ZFHX3: variants seen among roughly 807,000 people sequenced by gnomAD.
ZFHX3 encodes zinc finger homeobox protein 3.
ZFHX3 carries 42 observed loss-of-function variants against 279.1 expected under a neutral mutation model. The observed-to-expected ratio is 0.15, with a 90% CI of 0.12 to 0.19. The LOEUF (loss-of-function observed/expected upper bound fraction) is 0.19, where lower values mean the gene tolerates loss of function less well. ZFHX3 is among the 10% of genes least tolerant of loss of function. The pLI, the probability that ZFHX3 is intolerant of heterozygous loss-of-function variation, is 1.00. For synonymous variants in ZFHX3, 2,293 were observed against 1,957.8 expected, an observed-to-expected ratio of 1.17 and a Z score of -4.52; for missense variants, 4,981 against 4,754.0, an observed-to-expected ratio of 1.05 and a Z score of -1.40.
intron 2 of ZFHX3, among the ~76,000 whole-genome samples, chr16:73,591,549 A>T (rs1437989466): frequency 1.7e-4 from 25 of 149,392 alleles, no homozygotes; most frequent in Admixed American, 1.7e-3. Flanking sequence ...AAAAATTAGC[A>T]GGGCATGGTG....
chr16:73,312,607 T>C (rs2015352301), intron 4 of ZFHX3, among the ~76,000 whole-genome samples: 1 of 152,164 alleles, frequency 6.6e-6, no homozygotes, highest in Non-Finnish European at 1.5e-5. Flanking sequence ...CAACATTCAT[T>C]GAGGGCTTTC....
intron 1 of ZFHX3, among the ~76,000 whole-genome samples, chr16:73,863,259 G>C (rs1446234219): frequency 1.3e-5 from 2 of 152,130 alleles, no homozygotes; most frequent in African/African-American, 2.4e-5. Flanking sequence ...AGTCCCTAGA[G>C]GAATGGGGTA....
At chr16:73,346,432 G>A (rs888763761) in intron 3 of ZFHX3, among the ~76,000 whole-genome samples, 1 of 152,162 alleles carries the variant, frequency 6.6e-6, no homozygotes, top group African/African-American at 2.4e-5. Context: ...AAGAATCACA[G>A]ATTGGCCAAA....
chr16:73,003,149 G>C (rs1884481055), intron 1 of ZFHX3, among the ~76,000 whole-genome samples: 1 of 152,094 alleles, frequency 6.6e-6, no homozygotes, highest in African/African-American at 2.4e-5. Flanking sequence ...TCCCCTGTAA[G>C]ATTTTTCAGA....
chr16:73,490,817 A>G (rs931527981), intron 2 of ZFHX3, among the ~76,000 whole-genome samples: 2 of 152,220 alleles, frequency 1.3e-5, no homozygotes, highest in African/African-American at 4.8e-5. Context: ...AGCCTGGACA[A>G]CAGAACAAGA....
intron 5 of ZFHX3, among the ~76,000 whole-genome samples, chr16:73,199,395 G>C (rs1968221761): frequency 6.6e-6 from 1 of 152,212 alleles, no homozygotes; most frequent in South Asian, 2.1e-4. Flanking sequence ...GCCCATGAAA[G>C]TGACTCTGCT....
Position 73,757,255 on chromosome 16 carries a change from G to A in ZFHX3, c.-1607-77015C>T, listed in dbSNP as rs530523458. On this transcript the variant is annotated intron_variant, in intron 1 of 17. Transcript: ENST00000641206. ...GTCTGTCTATTTCACACTCTCATCA[G>A]GAATTCCGTGGGGTCCCTCGTGTCT... Among the ~76,000 whole-genome samples the A allele has an allele frequency of 9.2e-4, 140 of 152,276 alleles. 7 individuals are homozygous for A. The South Asian group carries it at 0.028, about 30-fold the overall frequency.
rs77856913 is a variant in ZFHX3, at chr16:72,817,983, G to A, written c.3530-5945C>T. ...TGATTATTAATTCATGCTACTTTCC[G>A]TAAGCCAGAGGTTCTCATCGCCTTA... is the stretch of plus-strand genomic sequence containing the variant. On this transcript the variant is annotated intron_variant, in intron 5 of 9. Transcript: ENST00000268489. Among the ~76,000 whole-genome samples the A allele has an allele frequency of 3.2e-4, 49 of 152,268 alleles. No homozygotes were observed. In the South Asian group the frequency reaches 7.0e-3, roughly 22 times the overall value.
At chr16:73,718,321 G>A (rs1230581973) in intron 1 of ZFHX3, among the ~76,000 whole-genome samples, 1 of 152,074 alleles carries the variant, frequency 6.6e-6, no homozygotes, top group Admixed American at 6.5e-5. Flanking sequence ...TGAGGCAGAA[G>A]AATCACTTGA....
chr16:72,816,209 A>G (rs1366064541), intron 5 of ZFHX3, among the ~76,000 whole-genome samples: 1 of 152,180 alleles, frequency 6.6e-6, no homozygotes, highest in Non-Finnish European at 1.5e-5. Context: ...TGTCCATGAA[A>G]AAGTTGGTAT....
At position 72,797,470 on chromosome 16, in the gene ZFHX3, G is replaced by T; in HGVS notation, c.5212C>A (p.Gln1738Lys). Residue 1738 changes from glutamine (Q) to lysine (K), a missense_variant, in exon 9 of 10, where the codon CAA (glutamine) becomes AAA (lysine). Gln to Lys is a moderately conservative substitution (Grantham distance 53). This residue lies in a region of ZFHX3 where 1,751 missense variants were observed against 1,770.0 expected (regional missense o/e 0.99). Coordinates refer to ENST00000268489, the MANE Select transcript of ZFHX3 (RefSeq NM_006885.4). Reference protein sequence around the residue: ...QQQQQQQQQQQQQQAQTLAQA... With the variant: ...QQQQQQQQQQKQQQAQTLAQA... ...GCCAGCGTTTGTGCTTGTTGTTGTT[G>T]TTGTTGTTGTTGTTGTTGCTGTTGC... 3 of 1,610,132 alleles carry T rather than the reference G, an allele frequency of 1.9e-6. No homozygotes were observed. The highest frequency in any genetic ancestry group is 2.5e-6 in the Non-Finnish European group (3 of 1,178,914).
At chr16:73,226,991 G>C (rs976608961) in intron 5 of ZFHX3, among the ~76,000 whole-genome samples, 1 of 152,178 alleles carries the variant, frequency 6.6e-6, no homozygotes, top group East Asian at 1.9e-4. Context: ...TATGGTATTA[G>C]ATATTATTTC....
intron 1 of ZFHX3, among the ~76,000 whole-genome samples, chr16:73,693,118 A>G (rs2053164676): frequency 6.6e-6 from 1 of 152,218 alleles, no homozygotes; most frequent in South Asian, 2.1e-4. Context: ...GCAATCAGGA[A>G]AAACAAGAAG....
At chr16:73,796,834 C>T (rs779530228) in intron 1 of ZFHX3, among the ~76,000 whole-genome samples, 73 of 152,164 alleles carry the variant, frequency 4.8e-4, no homozygotes, top group Admixed American at 1.7e-3. Context: ...CAACATTAAC[C>T]CCTTCCTTGT....
At chr16:73,025,580 G>C (rs1964468323) in intron 1 of ZFHX3, among the ~76,000 whole-genome samples, 1 of 152,124 alleles carries the variant, frequency 6.6e-6, no homozygotes, top group Non-Finnish European at 1.5e-5. Flanking sequence ...TTGGACATCA[G>C]CCCATTAGCT....
chr16:73,739,938 C>T (rs1157668061), intron 1 of ZFHX3, among the ~76,000 whole-genome samples: 1 of 152,142 alleles, frequency 6.6e-6, no homozygotes, highest in Non-Finnish European at 1.5e-5. Context: ...TTTTTAACTG[C>T]AAACCAGCCA....
At chr16:73,617,976 T>C (rs1405239524) in intron 2 of ZFHX3, among the ~76,000 whole-genome samples, 1 of 152,186 alleles carries the variant, frequency 6.6e-6, no homozygotes, top group African/African-American at 2.4e-5. Flanking sequence ...CACATTGGCC[T>C]ACACTGCAAT....
rs2054018179 is a variant in ZFHX3 at position 73,771,566 on chromosome 16, C to T, written c.-1607-91326G>A. Among the ~76,000 whole-genome samples, 4 of 152,156 alleles carry T rather than the reference C, an allele frequency of 2.6e-5. No individual in the cohort carries two copies. In the South Asian group the frequency reaches 8.3e-4, roughly 32 times the overall value. ...CTTACCTTCCTCTGAGGCTGCTGCA[C>T]ACATGCGCCACAGCCAAAGGCAGAT... On this transcript the variant is annotated intron_variant, in intron 1 of 17. Transcript: ENST00000641206.
At chr16:73,501,870 G>T (rs571913617) in intron 2 of ZFHX3, among the ~76,000 whole-genome samples, 5 of 152,304 alleles carry the variant, frequency 3.3e-5, no homozygotes, top group South Asian at 2.1e-4. Context: ...CGTCTGTAAG[G>T]GGGTGAGGAG....
Sources: gnomAD v4.1 joint callset for allele counts (sites outside exome capture counted in the v4.1 genomes callset) on GRCh38, gnomAD v4.1.1 for gene constraint, gnomAD v4.1.1 regional missense constraint, MANE v1.5 for transcripts, NCBI Gene and HGNC (gene_info 2026-07-23, HGNC 2026-07-21) for gene names.